The following GABRB2 variants were observed in gnomAD, a reference collection of about 807,000 sequenced individuals.
GABRB2 encodes the protein gamma-aminobutyric acid receptor subunit beta-2.
A neutral mutation model predicts 54.7 loss-of-function variants in GABRB2; 16 were observed. The ratio of observed to expected loss-of-function variants is 0.29; its 90% CI spans 0.20 to 0.44. The LOEUF (loss-of-function observed/expected upper bound fraction) is 0.44. Among genes scored for constraint, GABRB2 ranks in the 20% least tolerant of loss-of-function variants. The probability of loss-of-function intolerance (pLI) is 1.00; values close to 1 mark genes in which losing one functional copy is unlikely to be tolerated. For missense variants in GABRB2, 355 were observed against 644.0 expected (o/e 0.55, Z 4.86); for synonymous variants, 244 against 233.8 (o/e 1.04, Z -0.40).
intron 3 of GABRB2, among the ~76,000 whole-genome samples, chr5:161,463,836 T>A (rs1758201309): frequency 6.6e-6 from 1 of 151,414 alleles, no homozygotes; most frequent in Non-Finnish European, 1.5e-5. Flanking sequence ...GAAAGCATAA[T>A]CTTATTATAT....
intron 3 of GABRB2, among the ~76,000 whole-genome samples, chr5:161,539,135 G>T (rs1160228025): frequency 1.3e-5 from 2 of 152,144 alleles, no homozygotes; most frequent in African/African-American, 4.8e-5. Context: ...GTTTTAAGAT[G>T]GAGAAGAATC....
chr5:161,477,096 C>A (rs1758613482), intron 3 of GABRB2, among the ~76,000 whole-genome samples: 1 of 151,618 alleles, frequency 6.6e-6, no homozygotes, highest in Non-Finnish European at 1.5e-5. Context: ...AAGGAACAAA[C>A]AACGTGATTA....
At chr5:161,501,501 C>T (rs1321468708) in intron 3 of GABRB2, among the ~76,000 whole-genome samples, 1 of 152,060 alleles carries the variant, frequency 6.6e-6, no homozygotes. Context: ...AGATAGTGAC[C>T]TAATTATGCT....
At position 161,297,043 on chromosome 5, in the gene GABRB2, A is replaced by C. The variant is rs1757399655; in HGVS notation, c.1192-2615T>G. On this transcript the variant is annotated intron_variant, in intron 9 of 9. Coordinates refer to ENST00000393959, the MANE Select transcript of GABRB2 (RefSeq NM_001371727.1). ...CCACTGACATGGCAAAAAACAACAA[A>C]TAATTATACCTAAAAGAAAATTAAG... Among the ~76,000 whole-genome samples, 4 of 152,374 alleles carry C rather than the reference A, an allele frequency of 2.6e-5. No homozygotes were observed. In the South Asian group the frequency reaches 8.3e-4, roughly 32 times the overall value.
chr5:161,520,590 T>C (rs1760083881), intron 3 of GABRB2, among the ~76,000 whole-genome samples: 1 of 152,096 alleles, frequency 6.6e-6, no homozygotes, highest in Non-Finnish European at 1.5e-5. Context: ...GAGATTTATT[T>C]ACCTCATTTT....
chr5:161,383,521 T>C (rs1156934145), intron 5 of GABRB2, among the ~76,000 whole-genome samples: 5 of 152,210 alleles, frequency 3.3e-5, no homozygotes, highest in Admixed American at 6.6e-5. Context: ...GTTAGTACAG[T>C]AGCCCTTCAC....
intron 3 of GABRB2, among the ~76,000 whole-genome samples, chr5:161,481,603 C>G (rs1475078582): frequency 6.6e-6 from 1 of 151,988 alleles, no homozygotes. Flanking sequence ...AGTATCTAGC[C>G]TCATCCAGAG....
chr5:161,527,897 A>T (rs747886331), intron 3 of GABRB2, among the ~76,000 whole-genome samples: 163 of 151,794 alleles, frequency 1.1e-3, no homozygotes, highest in Middle Eastern at 3.4e-3. Context: ...TGGCTTTGTA[A>T]CAAGTATCAG....
chr5:161,433,915 ACTT>A lies in GABRB2; in HGVS notation c.459-22861_459-22859del, dbSNP rs555650555. ...TCAATCCTTTACAAAAAAGAGTTAAACTTCTTAGAAAATGTTATAGATTTCCTT... is the reference window on the plus strand; with the variant it reads ...TCAATCCTTTACAAAAAAGAGTTAAACTTAGAAAATGTTATAGATTTCCTT... On this transcript the variant is annotated intron_variant, in intron 4 of 9. Transcript: ENST00000393959. Among the ~76,000 whole-genome samples, 894 of 152,272 alleles carry A rather than the reference ACTT, an allele frequency of 5.9e-3. 2 individuals carry two copies. Among genetic ancestry groups the A allele is most frequent in the Non-Finnish European group, 0.01 (696 of 68,008 alleles).
At chr5:161,389,687 C>G (rs1755760272) in intron 5 of GABRB2, among the ~76,000 whole-genome samples, 2 of 151,360 alleles carry the variant, frequency 1.3e-5, no homozygotes, top group African/African-American at 4.8e-5. Flanking sequence ...ATGTGTTTAG[C>G]AGTGCTGAGG....
intron 3 of GABRB2, among the ~76,000 whole-genome samples, chr5:161,529,172 T>A (rs751027651): frequency 6.6e-6 from 1 of 151,988 alleles, no homozygotes; most frequent in Non-Finnish European, 1.5e-5. Flanking sequence ...TTTCAGTGTA[T>A]ACACAAATTT....
intron 3 of GABRB2, among the ~76,000 whole-genome samples, chr5:161,530,045 T>C (rs1211488732): frequency 6.6e-6 from 1 of 152,080 alleles, no homozygotes; most frequent in Non-Finnish European, 1.5e-5. Context: ...TCTCCCTCTC[T>C]GGATCCCTCT....
chr5:161,411,165 T>A (rs1756507299), intron 4 of GABRB2, 108 bp from the exon 5 acceptor site: 2 of 739,830 alleles, frequency 2.7e-6, no homozygotes, highest in Non-Finnish European at 4.6e-6. Flanking sequence ...TAAGTACTAA[T>A]GAAAATGACT....
At chr5:161,354,488 C>T (rs933752609) in intron 5 of GABRB2, among the ~76,000 whole-genome samples, 1 of 151,972 alleles carries the variant, frequency 6.6e-6, no homozygotes, top group Admixed American at 6.6e-5. Flanking sequence ...CTTCTATGGG[C>T]TCTACCTCCA....
chr5:161,337,170 A>C (rs1037460597), intron 5 of GABRB2, among the ~76,000 whole-genome samples: 8 of 152,182 alleles, frequency 5.3e-5, no homozygotes, highest in Non-Finnish European at 8.8e-5. Flanking sequence ...ACATTATCAC[A>C]TAACACTAGT....
At chr5:161,389,056 C>CTG (rs1755735357) in intron 5 of GABRB2, among the ~76,000 whole-genome samples, 2 of 152,002 alleles carry the variant, frequency 1.3e-5, no homozygotes, top group South Asian at 4.1e-4. Context: ...AGCCCTGATT[C>CTG]TGTCATTAAC....
intron 5 of GABRB2, among the ~76,000 whole-genome samples, chr5:161,337,729 A>C (rs1162474458): frequency 1.3e-5 from 2 of 152,202 alleles, no homozygotes; most frequent in East Asian, 3.9e-4. Context: ...AGTGCTGTAC[A>C]GGGAAGTATG....
chr5:161,463,695 C>G (rs1444967084), intron 3 of GABRB2, among the ~76,000 whole-genome samples: 1 of 147,874 alleles, frequency 6.8e-6, no homozygotes, highest in African/African-American at 2.5e-5. Context: ...GATTTAAATA[C>G]TTACTAATAC....
intron 4 of GABRB2, among the ~76,000 whole-genome samples, chr5:161,414,489 C>G (rs1002985918): frequency 6.6e-6 from 1 of 152,110 alleles, no homozygotes; most frequent in East Asian, 1.9e-4. Context: ...CATACACTTA[C>G]ATTATAAACA....
Sources: allele counts gnomAD v4.1 joint callset (sites outside exome capture counted in the v4.1 genomes callset), GRCh38; gene constraint gnomAD v4.1.1; transcripts MANE v1.5; gene names NCBI Gene and HGNC (gene_info 2026-07-23, HGNC 2026-07-21).